The following CPEB3 variants were observed in gnomAD, a reference collection of about 807,000 sequenced individuals.
CPEB3 encodes the protein cytoplasmic polyadenylation element-binding protein 3.
Under a neutral mutation model 67.2 loss-of-function variants are expected in CPEB3, and 20 were observed. The ratio of observed to expected loss-of-function variants is 0.30; its 90% confidence interval spans 0.21 to 0.43. The LOEUF (loss-of-function observed/expected upper bound fraction) is 0.43. Among genes scored for constraint, CPEB3 ranks in the 20% least tolerant of loss-of-function variants. The probability of loss-of-function intolerance (pLI) is 1.00; values close to 1 mark genes in which losing one functional copy is unlikely to be tolerated. For missense variants in CPEB3, 746 were observed against 968.6 expected (o/e 0.77, Z 3.05); for synonymous variants, 376 against 393.1 (o/e 0.96, Z 0.51).
At chr10:92,112,289 C>T (rs1244994305) in intron 6 of CPEB3, among the ~76,000 whole-genome samples, 5 of 151,976 alleles carry the variant, frequency 3.3e-5, no homozygotes, top group Admixed American at 2.0e-4. Context: ...GGATTACAGG[C>T]GCCCGCCACC....
At chr10:92,161,758 G>T (rs770020451) in intron 4 of CPEB3, among the ~76,000 whole-genome samples, 1 of 152,060 alleles carries the variant, frequency 6.6e-6, no homozygotes, top group African/African-American at 2.4e-5. Context: ...TCCACCTCCC[G>T]GTACAAGCGA....
chr10:92,227,801 C>G (rs1341767006), intron 2 of CPEB3, among the ~76,000 whole-genome samples: 1 of 152,144 alleles, frequency 6.6e-6, no homozygotes, highest in African/African-American at 2.4e-5. Flanking sequence ...CTGTGTTAGC[C>G]AGGATGGTCT....
intron 4 of CPEB3, among the ~76,000 whole-genome samples, chr10:92,174,451 TCC>T (rs1848136239): frequency 6.6e-6 from 1 of 152,170 alleles, no homozygotes; most frequent in African/African-American, 2.4e-5. Context: ...AACCTAAAGT[TCC>T]AAGTTTCTTG....
intron 4 of CPEB3, among the ~76,000 whole-genome samples, chr10:92,158,344 T>C (rs1401900372): frequency 6.6e-6 from 1 of 152,206 alleles, no homozygotes; most frequent in African/African-American, 2.4e-5. Context: ...TGAGGGTTTA[T>C]ATTGGAGCCT....
intron 7 of CPEB3, among the ~76,000 whole-genome samples, chr10:92,108,882 C>T (rs1366410419): frequency 6.6e-6 from 1 of 152,198 alleles, no homozygotes; most frequent in Non-Finnish European, 1.5e-5. Context: ...ATTGTCACCA[C>T]AACACCTCCA....
At chr10:92,224,556 C>T (rs1366747832) in intron 2 of CPEB3, among the ~76,000 whole-genome samples, 2 of 151,926 alleles carry the variant, frequency 1.3e-5, no homozygotes, top group East Asian at 3.9e-4. Context: ...CCTAGTCCCT[C>T]TGCTGAAAAA....
chr10:92,091,614 A>G (rs1267698922), intron 8 of CPEB3, among the ~76,000 whole-genome samples: 1 of 152,250 alleles, frequency 6.6e-6, no homozygotes, highest in Non-Finnish European at 1.5e-5. Flanking sequence ...TTTTGTCAAC[A>G]TAACTGTTTA....
intron 1 of CPEB3, among the ~76,000 whole-genome samples, chr10:92,263,527 A>T (rs1852904223): frequency 6.6e-6 from 1 of 152,190 alleles, no homozygotes; most frequent in African/African-American, 2.4e-5. Flanking sequence ...CTTCCCACTT[A>T]ATATCAGGAG....
At chr10:92,072,262 T>C (rs765232479) in intron 9 of CPEB3, among the ~76,000 whole-genome samples, 10 of 152,204 alleles carry the variant, frequency 6.6e-5, no homozygotes, top group Non-Finnish European at 1.0e-4. Flanking sequence ...TGTTGACAGA[T>C]TGGCACCTAT....
Position 92,085,727 on chromosome 10 carries a change from G to A in CPEB3, c.1688-4226C>T, listed in dbSNP as rs190024345. ...GGGTTCAAGCGATTCTCCTGCCTCC[G>A]CCTCCCAAGTAGCTGGGATTATAGG... On this transcript the variant is annotated intron_variant, in intron 8 of 9. Coordinates refer to ENST00000265997, the MANE Select transcript of CPEB3 (RefSeq NM_014912.5). Among the ~76,000 whole-genome samples, 89 of 152,110 alleles carry A rather than the reference G, an allele frequency of 5.9e-4. 2 individuals carry two copies. Among genetic ancestry groups the A allele is most frequent in the Non-Finnish European group, 4.0e-4 (27 of 67,998 alleles).
chr10:92,229,709 C>T (rs1851171914), intron 2 of CPEB3, among the ~76,000 whole-genome samples: 1 of 152,148 alleles, frequency 6.6e-6, no homozygotes, highest in African/African-American at 2.4e-5. Flanking sequence ...ATATTATGTA[C>T]ATACACCTGT....
intron 7 of CPEB3, among the ~76,000 whole-genome samples, chr10:92,103,743 G>A (rs1844302477): frequency 6.6e-6 from 1 of 152,228 alleles, no homozygotes; most frequent in Non-Finnish European, 1.5e-5. Context: ...TGAGAAAAAT[G>A]AGTTAGCAGT....
intron 4 of CPEB3, 74 bp from the exon 5 acceptor site, chr10:92,145,159 C>T: frequency 1.3e-6 from 2 of 1,547,580 alleles, no homozygotes. Flanking sequence ...TTTTCTAGGA[C>T]AATAAATGCT....
chr10:92,211,587 C>T (rs936046966), intron 2 of CPEB3, among the ~76,000 whole-genome samples: 6 of 148,216 alleles, frequency 4.0e-5, no homozygotes, highest in African/African-American at 7.5e-5. Flanking sequence ...CCCAGGCTGG[C>T]GTGCAGTGGC....
intron 2 of CPEB3, among the ~76,000 whole-genome samples, chr10:92,201,991 C>T (rs1849547321): frequency 6.6e-6 from 1 of 152,154 alleles, no homozygotes; most frequent in African/African-American, 2.4e-5. Context: ...TCAGTAAATG[C>T]TTACCTCACA....
At chr10:92,180,135 G>A (rs1024815311) in intron 4 of CPEB3, among the ~76,000 whole-genome samples, 2 of 152,190 alleles carry the variant, frequency 1.3e-5, no homozygotes, top group African/African-American at 4.8e-5. Flanking sequence ...ACACTAGGAA[G>A]GAGAGCTGAT....
At chr10:92,259,587 G>A (rs1318654278) in intron 1 of CPEB3, among the ~76,000 whole-genome samples, 1 of 123,350 alleles carries the variant, frequency 8.1e-6, no homozygotes, top group African/African-American at 3.5e-5. Flanking sequence ...GGAAACAAGA[G>A]CAAAATTCCA....
At chr10:92,068,548 CTGAGA>C (rs1175815231) in intron 9 of CPEB3, among the ~76,000 whole-genome samples, 2 of 152,188 alleles carry the variant, frequency 1.3e-5, no homozygotes, top group East Asian at 3.9e-4. Context: ...GAATGTTCTA[CTGAGA>C]TAAGTATTTA....
chr10:92,219,006 A>G (rs1850572981), intron 2 of CPEB3, among the ~76,000 whole-genome samples: 1 of 152,192 alleles, frequency 6.6e-6, no homozygotes, highest in African/African-American at 2.4e-5. Context: ...ATTATTAATA[A>G]TATGTGCAAT....
Sources: allele counts gnomAD v4.1 joint callset (sites outside exome capture counted in the v4.1 genomes callset), GRCh38; gene constraint gnomAD v4.1.1; transcripts MANE v1.5; gene names NCBI Gene and HGNC (gene_info 2026-07-23, HGNC 2026-07-21).